The following NMBR variants were observed in gnomAD, a reference collection of about 807,000 sequenced individuals.
NMBR encodes neuromedin B receptor.
Under a neutral mutation model 20.5 loss-of-function variants are expected in NMBR, and 16 were observed. That is an observed-to-expected ratio of 0.78 (90% CI 0.53 to 1.19). NMBR has a LOEUF of 1.19. Ranked by LOEUF, NMBR falls within the 50% of genes most tolerant of loss-of-function variation. The probability of loss-of-function intolerance (pLI) is 0.00; values close to 1 mark genes in which losing one functional copy is unlikely to be tolerated. For synonymous variants in NMBR, 212 were observed against 196.6 expected (o/e 1.08, Z -0.65); for missense variants, 582 against 499.1 (o/e 1.17, Z -1.58).
chr6:142,091,525 A>G (rs1314651960), intron 1 of NMBR, among the ~76,000 whole-genome samples: 2 of 152,162 alleles, frequency 1.3e-5, no homozygotes, highest in Non-Finnish European at 2.9e-5. Context: ...GCACCCAGCC[A>G]TACAAACTTT....
chr6:142,108,945 C>T (rs759382094), intron 1 of NMBR, among the ~76,000 whole-genome samples: 1 of 152,072 alleles, frequency 6.6e-6, no homozygotes, highest in African/African-American at 2.4e-5. Flanking sequence ...ATGAGAGTAC[C>T]GGCATTGGAT....
intron 1 of NMBR, among the ~76,000 whole-genome samples, chr6:142,132,697 C>T (rs140427499): frequency 3.3e-5 from 5 of 152,142 alleles, no homozygotes; most frequent in African/African-American, 1.2e-4. Context: ...TTAGGACACA[C>T]CTAAATAAAA....
At chr6:142,109,318 C>T (rs1777717367) in intron 1 of NMBR, among the ~76,000 whole-genome samples, 1 of 152,034 alleles carries the variant, frequency 6.6e-6, no homozygotes, top group South Asian at 2.1e-4. Context: ...ATGGTGAGCA[C>T]CTGCAAAAGT....
chr6:142,136,713 T>C (rs1356560434), intron 1 of NMBR, among the ~76,000 whole-genome samples: 3 of 152,236 alleles, frequency 2.0e-5, no homozygotes, highest in East Asian at 3.8e-4. Context: ...TTCCTACATA[T>C]GGCTAGCCAG....
At chr6:142,133,109 G>T (rs576823908) in intron 1 of NMBR, 7 of 630,220 alleles carry the variant, frequency 1.1e-5, no homozygotes, top group South Asian at 1.1e-4. Flanking sequence ...AACTGGCAAT[G>T]TGGGTCAAGA....
Position 142,142,525 on chromosome 6 carries a change from A to C in NMBR, c.-664+4519T>G, listed in dbSNP as rs567761582. ...TCTCACTTTAAATGAGATCTACCTAAGCTTGATAAATAGCATCTAAGGAAA... is the reference window on the plus strand; with the variant it reads ...TCTCACTTTAAATGAGATCTACCTACGCTTGATAAATAGCATCTAAGGAAA... On this transcript the variant is annotated intron_variant, in intron 1 of 3. Transcript: ENST00000258042. Among the ~76,000 whole-genome samples the C allele has an allele frequency of 2.6e-5, 4 of 152,284 alleles. No individual in the cohort carries two copies. In the South Asian group the frequency reaches 8.3e-4, roughly 32 times the overall value.
rs1457062187 is a variant in NMBR at position 142,080,072 on chromosome 6, G to A, written c.423-1169C>T. 2.6e-5 allele frequency among the ~76,000 whole-genome samples: 4 copies of A among 152,042 alleles called. 1 individual carries two copies. The South Asian group carries it at 8.3e-4, about 32-fold the overall frequency. ...CACAGGATTTTAGTTAGACAAATCT[G>A]AATTATTACCCCATCTCTGATATAT... On this transcript the variant is annotated intron_variant, in intron 2 of 3. Coordinates refer to ENST00000258042, the MANE Select transcript of NMBR (RefSeq NM_002511.4).
chr6:142,126,646 G>A (rs185125881), intron 1 of NMBR, among the ~76,000 whole-genome samples: 1 of 151,348 alleles, frequency 6.6e-6, no homozygotes. Flanking sequence ...GTATTTCCCT[G>A]ATAATAAGCG....
At chr6:142,082,503 A>AAG (rs1036534109) in intron 2 of NMBR, among the ~76,000 whole-genome samples, 1 of 152,238 alleles carries the variant, frequency 6.6e-6, no homozygotes, top group Non-Finnish European at 1.5e-5. Flanking sequence ...AAGTAAAAAA[A>AAG]AGAGAGAATA....
intron 1 of NMBR, among the ~76,000 whole-genome samples, chr6:142,138,618 C>A (rs1480922730): frequency 6.6e-6 from 1 of 152,042 alleles, no homozygotes; most frequent in African/African-American, 2.4e-5. Flanking sequence ...AAACAGCAAC[C>A]TTGTTTAATA....
chr6:142,077,511 T>C (rs144959538), intron 3 of NMBR, among the ~76,000 whole-genome samples: 1 of 152,290 alleles, frequency 6.6e-6, no homozygotes, highest in East Asian at 1.9e-4. Context: ...ATGCCAAATA[T>C]TTAGAGAAAG....
intron 1 of NMBR, among the ~76,000 whole-genome samples, chr6:142,111,782 G>A (rs192947699): frequency 4.0e-4 from 61 of 152,224 alleles, no homozygotes; most frequent in Admixed American, 1.1e-3. Flanking sequence ...CTAAGTAAAC[G>A]CCTCTGAATT....
intron 1 of NMBR, among the ~76,000 whole-genome samples, chr6:142,135,663 A>G (rs1778241847): frequency 7.0e-6 from 1 of 143,866 alleles, no homozygotes; most frequent in Non-Finnish European, 1.5e-5. Context: ...ACCCCACAAC[A>G]GTCCCCAGAG....
intron 1 of NMBR, among the ~76,000 whole-genome samples, chr6:142,097,523 C>T (rs192827534): frequency 3.9e-5 from 6 of 152,188 alleles, no homozygotes; most frequent in East Asian, 1.9e-4. Flanking sequence ...AAATGCTCCT[C>T]GACTTAGGAT....
intron 1 of NMBR, among the ~76,000 whole-genome samples, chr6:142,135,793 A>G (rs1457854833): frequency 1.3e-5 from 2 of 151,646 alleles, no homozygotes; most frequent in South Asian, 2.1e-4. Context: ...ATGATTTCCA[A>G]TTTCATCCAT....
At chr6:142,132,949 T>C (rs904599025) in intron 1 of NMBR, 8 of 396,674 alleles carry the variant, frequency 2.0e-5, no homozygotes, top group Admixed American at 4.2e-5. Flanking sequence ...GTTTCTTTGT[T>C]TTTGTTTTGT....
At position 142,129,038 on chromosome 6, in the gene NMBR, A is replaced by T. The variant is rs182694408; in HGVS notation, c.-664+18006T>A. 3.5e-3 allele frequency among the ~76,000 whole-genome samples: 525 copies of T among 150,106 alleles called. 3 individuals are homozygous for T. Among genetic ancestry groups the T allele is most frequent in the African/African-American group, 0.012 (499 of 40,856 alleles). ...ATGCATTAATTTGCATGTGTTAATC[A>T]TCATGCATAATGCTTTAACTCATTT... On this transcript the variant is annotated intron_variant, in intron 1 of 3. Coordinates refer to ENST00000258042, the MANE Select transcript of NMBR (RefSeq NM_002511.4).
chr6:142,145,948 G>A (rs999822855), intron 1 of NMBR, among the ~76,000 whole-genome samples: 2 of 152,170 alleles, frequency 1.3e-5, no homozygotes, highest in South Asian at 4.1e-4. Context: ...TAAATGAAAA[G>A]TTGTGAGTAT....
chr6:142,120,507 G>C (rs923050076), intron 1 of NMBR, among the ~76,000 whole-genome samples: 1 of 151,894 alleles, frequency 6.6e-6, no homozygotes, highest in Non-Finnish European at 1.5e-5. Context: ...GGGTCTACTT[G>C]AGGCTCTGAG....
Sources: allele counts gnomAD v4.1 joint callset (sites outside exome capture counted in the v4.1 genomes callset), GRCh38; gene constraint gnomAD v4.1.1; transcripts MANE v1.5; gene names NCBI Gene and HGNC (gene_info 2026-07-23, HGNC 2026-07-21).